FHIT: variants seen among roughly 807,000 people sequenced by gnomAD.
The protein encoded by FHIT is fragile histidine triad diadenosine triphosphatase, also known as bis(5'-adenosyl)-triphosphatase.
Under a neutral mutation model 17.9 loss-of-function variants are expected in FHIT, and 19 were observed. The observed-to-expected ratio is 1.06, with a 90% CI of 0.74 to 1.56. FHIT has a LOEUF of 1.56. FHIT is among the 40% of genes most tolerant of loss of function. The probability of loss-of-function intolerance (pLI) is 0.00; values close to 1 mark genes in which losing one functional copy is unlikely to be tolerated. For missense variants in FHIT, 248 were observed against 189.2 expected, an observed-to-expected ratio of 1.31 and a Z score of -1.82; for synonymous variants, 81 against 69.7, an observed-to-expected ratio of 1.16 and a Z score of -0.81.
At chr3:60,013,351 T>C (rs993191098) in intron 6 of FHIT, among the ~76,000 whole-genome samples, 5 of 152,186 alleles carry the variant, frequency 3.3e-5, no homozygotes, top group African/African-American at 7.2e-5. Flanking sequence ...TATACATTGA[T>C]ACCCCAGCCC....
intron 7 of FHIT, among the ~76,000 whole-genome samples, chr3:59,950,088 G>C (rs1160613563): frequency 1.3e-5 from 2 of 152,222 alleles, no homozygotes; most frequent in East Asian, 1.9e-4. Context: ...TGTCCTTATT[G>C]TGAGATGAGG....
chr3:60,457,969 T>C (rs1184336294), intron 5 of FHIT, among the ~76,000 whole-genome samples: 1 of 152,112 alleles, frequency 6.6e-6, no homozygotes, highest in Admixed American at 6.6e-5. Flanking sequence ...ATAGGAACAC[T>C]TTTACACTGT....
intron 3 of FHIT, among the ~76,000 whole-genome samples, chr3:60,950,493 T>TG (rs11434662): frequency 0.026 from 4,009 of 151,806 alleles, 182 homozygotes; most frequent in African/African-American, 0.091. Flanking sequence ...TTCTTTTTTT[T>TG]TTTTTGAGAC....
intron 7 of FHIT, among the ~76,000 whole-genome samples, chr3:59,967,064 C>T (rs1250826694): frequency 6.6e-6 from 1 of 152,008 alleles, no homozygotes; most frequent in Non-Finnish European, 1.5e-5. Flanking sequence ...CCAACACACA[C>T]ACACACATTA....
intron 5 of FHIT, among the ~76,000 whole-genome samples, chr3:60,404,139 T>G (rs536864844): frequency 6.6e-6 from 1 of 152,286 alleles, no homozygotes; most frequent in South Asian, 2.1e-4. Flanking sequence ...CCACAACCAA[T>G]GAGAATACTT....
intron 5 of FHIT, among the ~76,000 whole-genome samples, chr3:60,417,998 A>G (rs1213366295): frequency 6.6e-6 from 1 of 152,152 alleles, no homozygotes; most frequent in Non-Finnish European, 1.5e-5. Context: ...AAGGACAACG[A>G]ATGTCTGAGA....
At chr3:59,756,819 C>T (rs115664155) in intron 8 of FHIT, among the ~76,000 whole-genome samples, 2,127 of 152,256 alleles carry the variant, frequency 0.014, 19 homozygotes, top group Middle Eastern at 0.061. Context: ...TCTTATTGCA[C>T]GGAATGCAGT....
At chr3:59,750,669 G>A (rs1700846450) in intron 9 of FHIT, 1 of 219,962 alleles carries the variant, frequency 4.5e-6, no homozygotes, top group South Asian at 1.8e-4. Context: ...AAGGATCTGA[G>A]TACAACACCA....
chr3:60,910,575 C>A (rs887308126), intron 3 of FHIT, among the ~76,000 whole-genome samples: 3 of 152,054 alleles, frequency 2.0e-5, no homozygotes, highest in Non-Finnish European at 4.4e-5. Context: ...CCACGCCCGG[C>A]TAATTTTTTG....
chr3:60,473,824 G>T (rs555177126), intron 5 of FHIT, among the ~76,000 whole-genome samples: 1 of 152,014 alleles, frequency 6.6e-6, no homozygotes, highest in Non-Finnish European at 1.5e-5. Flanking sequence ...TCAGGAGGCC[G>T]AGGCAGGAGA....
intron 7 of FHIT, among the ~76,000 whole-genome samples, chr3:59,986,300 C>G (rs531844899): frequency 1.3e-5 from 2 of 151,350 alleles, no homozygotes; most frequent in Non-Finnish European, 2.9e-5. Context: ...AACGGCACCC[C>G]CTTTGGAAGG....
At chr3:61,127,995 A>G (rs1488678181) in intron 2 of FHIT, among the ~76,000 whole-genome samples, 2 of 152,224 alleles carry the variant, frequency 1.3e-5, no homozygotes, top group South Asian at 2.1e-4. Flanking sequence ...AAAGTATTAA[A>G]CGGGTAAAAA....
At chr3:60,680,637 A>C (rs1216339810) in intron 4 of FHIT, among the ~76,000 whole-genome samples, 1 of 152,084 alleles carries the variant, frequency 6.6e-6, no homozygotes, top group Non-Finnish European at 1.5e-5. Context: ...TTTCAATAAA[A>C]GGAAATATAG....
At chr3:60,165,403 T>A (rs962685656) in intron 5 of FHIT, among the ~76,000 whole-genome samples, 5 of 152,158 alleles carry the variant, frequency 3.3e-5, no homozygotes, top group Non-Finnish European at 5.9e-5. Context: ...AATTAAAGAA[T>A]GGAAACAAAG....
At chr3:60,731,567 T>A (rs181872026) in intron 4 of FHIT, among the ~76,000 whole-genome samples, 3 of 152,186 alleles carry the variant, frequency 2.0e-5, no homozygotes, top group African/African-American at 7.2e-5. Context: ...GTGTGTTTAC[T>A]GCAGTGGTAT....
chr3:60,013,004 G>T (rs549813847), intron 6 of FHIT, among the ~76,000 whole-genome samples: 1 of 152,270 alleles, frequency 6.6e-6, no homozygotes, highest in South Asian at 2.1e-4. Context: ...CTACCTGCCT[G>T]AAGGGGACTC....
intron 5 of FHIT, among the ~76,000 whole-genome samples, chr3:60,230,867 C>G (rs548186261): frequency 6.6e-6 from 1 of 152,186 alleles, no homozygotes; most frequent in East Asian, 1.9e-4. Context: ...TAAACCACCA[C>G]GTCTGGCTAA....
At chr3:60,506,341 T>A (rs1241679545) in intron 5 of FHIT, among the ~76,000 whole-genome samples, 6 of 152,152 alleles carry the variant, frequency 3.9e-5, no homozygotes, top group Non-Finnish European at 8.8e-5. Flanking sequence ...AAACTGCAAC[T>A]CCTGAACACT....
chr3:60,150,933 G>T (rs995912928), intron 5 of FHIT, among the ~76,000 whole-genome samples: 3 of 151,824 alleles, frequency 2.0e-5, no homozygotes, highest in Non-Finnish European at 4.4e-5. Flanking sequence ...AAAAAAAAAG[G>T]ATTTAATTTT....
Sources: gnomAD v4.1 joint callset for allele counts (sites outside exome capture counted in the v4.1 genomes callset) on GRCh38, gnomAD v4.1.1 for gene constraint, MANE v1.5 for transcripts, NCBI Gene and HGNC (gene_info 2026-07-23, HGNC 2026-07-21) for gene names.